MACROD2: variants seen among roughly 807,000 people sequenced by gnomAD.
MACROD2 encodes the protein ADP-ribose glycohydrolase MACROD2.
A neutral mutation model predicts 70.4 loss-of-function variants in MACROD2; 36 were observed. The observed-to-expected ratio is 0.51, with a 90% confidence interval of 0.39 to 0.68. MACROD2 has a LOEUF of 0.68. Among genes scored for constraint, MACROD2 ranks in the 30% least tolerant of loss-of-function variants. The pLI is 0.00. For missense variants in MACROD2, 496 were observed against 538.4 expected (o/e 0.92, Z 0.78); for synonymous variants, 172 against 178.8 (o/e 0.96, Z 0.30).
intron 5 of MACROD2, among the ~76,000 whole-genome samples, chr20:15,030,228 A>G (rs549069212): frequency 2.0e-5 from 3 of 152,252 alleles, no homozygotes; most frequent in East Asian, 3.9e-4. Flanking sequence ...GGCAGGCTGA[A>G]TGTGCTAGGG....
chr20:14,384,409 C>T (rs1359115340), intron 3 of MACROD2, among the ~76,000 whole-genome samples: 2 of 152,076 alleles, frequency 1.3e-5, no homozygotes, highest in Non-Finnish European at 2.9e-5. Context: ...ACATAATTGG[C>T]ACTAAGAAAG....
intron 5 of MACROD2, chr20:14,757,655 C>T (rs184541428): frequency 2.4e-6 from 3 of 1,270,502 alleles, no homozygotes; most frequent in African/African-American, 1.5e-5. Flanking sequence ...GCCTAAGCAC[C>T]TGGAGCTGTC....
chr20:15,977,298 G>A (rs922051266), intron 13 of MACROD2, among the ~76,000 whole-genome samples: 2 of 152,116 alleles, frequency 1.3e-5, no homozygotes, highest in South Asian at 2.1e-4. Flanking sequence ...ATAAACAAAC[G>A]TCAATGTGAC....
At chr20:15,107,364 T>TG (rs1334299537) in intron 5 of MACROD2, among the ~76,000 whole-genome samples, 38 of 151,660 alleles carry the variant, frequency 2.5e-4, no homozygotes, top group African/African-American at 8.9e-4. Context: ...AATTAATAGT[T>TG]GAAAAAAAAA....
chr20:14,598,916 A>G (rs1006409784), intron 4 of MACROD2, among the ~76,000 whole-genome samples: 1 of 152,164 alleles, frequency 6.6e-6, no homozygotes, highest in Non-Finnish European at 1.5e-5. Context: ...GCACATCTTA[A>G]TTATCTTTAT....
chr20:15,434,471 A>G (rs1345152960), intron 7 of MACROD2, among the ~76,000 whole-genome samples: 1 of 152,168 alleles, frequency 6.6e-6, no homozygotes, highest in South Asian at 2.1e-4. Context: ...ACGATGAGAT[A>G]CCACCTTACT....
intron 4 of MACROD2, among the ~76,000 whole-genome samples, chr20:14,617,775 A>C (rs1213222301): frequency 1.3e-5 from 2 of 152,084 alleles, no homozygotes; most frequent in Non-Finnish European, 2.9e-5. Flanking sequence ...GCGAAATTTG[A>C]ATTCTGCTTG....
chr20:16,045,168 A>G (rs1480556887), intron 17 of MACROD2, among the ~76,000 whole-genome samples: 1 of 152,120 alleles, frequency 6.6e-6, no homozygotes, highest in Non-Finnish European at 1.5e-5. Flanking sequence ...GTTATGTTGA[A>G]TGAGCTTCAG....
At position 15,560,998 on chromosome 20, in the gene MACROD2, CCAAA is replaced by C. The variant is rs545406004; in HGVS notation, c.645+61156_645+61159del. Reference sequence around the variant, plus strand: ...AAGAGCTCTTACTTAAATTATTTGCCCAAACAAAGGAGAAATTTTAAAGATCCCA... The same window carrying C: ...AAGAGCTCTTACTTAAATTATTTGCCCAAAGGAGAAATTTTAAAGATCCCA... On this transcript the variant is annotated intron_variant, in intron 8 of 17. Transcript: ENST00000684519. Among the ~76,000 whole-genome samples the C allele has an allele frequency of 9.9e-5, 15 of 151,942 alleles. 1 individual carries two copies. Among genetic ancestry groups the C allele is most frequent in the Middle Eastern group, 6.8e-3 (2 of 294 alleles).
chr20:14,608,931 A>G (rs1203603455), intron 4 of MACROD2, among the ~76,000 whole-genome samples: 1 of 152,160 alleles, frequency 6.6e-6, no homozygotes, highest in African/African-American at 2.4e-5. Context: ...TACTACCCTC[A>G]GATAAGAATA....
intron 16 of MACROD2, among the ~76,000 whole-genome samples, chr20:16,044,076 G>A (rs2067344486): frequency 6.6e-6 from 1 of 152,024 alleles, no homozygotes; most frequent in Non-Finnish European, 1.5e-5. Context: ...TTGTCTCATG[G>A]TTCTGCAGGC....
chr20:14,950,671 T>C (rs1345435038), intron 5 of MACROD2, among the ~76,000 whole-genome samples: 22 of 152,168 alleles, frequency 1.4e-4, no homozygotes, highest in Admixed American at 1.3e-3. Context: ...TTCAAGCTTA[T>C]TCCTGGACTG....
chr20:14,605,565 C>T (rs145826693), intron 4 of MACROD2, among the ~76,000 whole-genome samples: 2,238 of 152,212 alleles, frequency 0.015, 56 homozygotes, highest in African/African-American at 0.051. Context: ...TCAACCCACA[C>T]TATAAGTTAG....
chr20:14,117,858 T>C (rs149612743), intron 3 of MACROD2, among the ~76,000 whole-genome samples: 2 of 152,318 alleles, frequency 1.3e-5, no homozygotes, highest in East Asian at 1.9e-4. Flanking sequence ...CTCAAGATTC[T>C]CCATACTTCC....
At chr20:14,373,708 G>C (rs1035644826) in intron 3 of MACROD2, among the ~76,000 whole-genome samples, 2 of 152,116 alleles carry the variant, frequency 1.3e-5, no homozygotes, top group African/African-American at 4.8e-5. Context: ...GAAAATAGAA[G>C]TTCACAGTTT....
chr20:14,868,821 G>A (rs2073456343), intron 5 of MACROD2, among the ~76,000 whole-genome samples: 1 of 152,172 alleles, frequency 6.6e-6, no homozygotes, highest in African/African-American at 2.4e-5. Flanking sequence ...AGTGGGTGCA[G>A]AATGAGACTG....
At chr20:14,202,480 G>A (rs56291047) in intron 3 of MACROD2, among the ~76,000 whole-genome samples, 4,507 of 152,104 alleles carry the variant, frequency 0.03, 86 homozygotes, top group Non-Finnish European at 0.045. Context: ...AAAAATAATT[G>A]CAGTCCTTGA....
At position 15,833,047 on chromosome 20, in the gene MACROD2, A is replaced by G. The variant is rs1287232094; in HGVS notation, c.646-29698A>G. 3.3e-5 allele frequency among the ~76,000 whole-genome samples: 5 copies of G among 152,324 alleles called. 1 individual carries two copies. The South Asian group carries it at 6.2e-4, about 19-fold the overall frequency. On this transcript the variant is annotated intron_variant, in intron 8 of 17. Transcript: ENST00000684519. ...AATTTCTCCCTTTCAGTGTAAAATT[A>G]TCTGGAAAAAAGTCTCCTTTTTGCA... is the stretch of plus-strand genomic sequence containing the variant.
At chr20:15,468,749 T>C (rs1244896108) in intron 7 of MACROD2, among the ~76,000 whole-genome samples, 1 of 152,222 alleles carries the variant, frequency 6.6e-6, no homozygotes, top group Non-Finnish European at 1.5e-5. Context: ...AAGGCCATGC[T>C]CTAAGCCATC....
Sources: allele counts gnomAD v4.1 joint callset (sites outside exome capture counted in the v4.1 genomes callset), GRCh38; gene constraint gnomAD v4.1.1; transcripts MANE v1.5; gene names NCBI Gene and HGNC (gene_info 2026-07-23, HGNC 2026-07-21).